SV2C: variants seen among roughly 807,000 people sequenced by gnomAD.
SV2C encodes the protein synaptic vesicle glycoprotein 2C.
SV2C carries 49 observed loss-of-function variants against 79.7 expected under a neutral mutation model. The ratio of observed to expected loss-of-function variants is 0.61; its 90% CI spans 0.49 to 0.78. The LOEUF (loss-of-function observed/expected upper bound fraction) is 0.78. Ranked by LOEUF, SV2C falls within the 30% of genes least tolerant of loss-of-function variation. The pLI, the probability that SV2C is intolerant of heterozygous loss-of-function variation, is 0.00. For synonymous variants in SV2C, 334 were observed against 333.2 expected (o/e 1.00, Z -0.03); for missense variants, 833 against 912.9 (o/e 0.91, Z 1.13).
At chr5:75,963,312 C>T in the SV2C span, among the ~76,000 whole-genome samples, 1 of 152,162 alleles carries the variant, frequency 6.6e-6, no homozygotes, top group South Asian at 2.1e-4. Flanking sequence ...CTTGAGTACA[C>T]TCACAACGAA....
chr5:76,162,100 A>G (rs1742913284), intron 2 of SV2C, among the ~76,000 whole-genome samples: 1 of 152,136 alleles, frequency 6.6e-6, no homozygotes, highest in African/African-American at 2.4e-5. Flanking sequence ...CTATTTTCAG[A>G]GTAATAAGCT....
the SV2C span, among the ~76,000 whole-genome samples, chr5:75,960,327 A>G: frequency 1.4e-4 from 21 of 151,998 alleles, no homozygotes; most frequent in African/African-American, 5.1e-4. Flanking sequence ...GTCATGCACC[A>G]CATAATGATG....
the SV2C span, among the ~76,000 whole-genome samples, chr5:76,006,634 A>G: frequency 6.6e-6 from 1 of 152,102 alleles, no homozygotes; most frequent in African/African-American, 2.4e-5. Context: ...TCTCCCTGGG[A>G]TTGGGAGTGT....
chr5:75,874,588 T>C, the SV2C span, among the ~76,000 whole-genome samples: 2 of 152,012 alleles, frequency 1.3e-5, no homozygotes, highest in African/African-American at 2.4e-5. Context: ...ATAAAGCACA[T>C]CCAAATAGGA....
the SV2C span, among the ~76,000 whole-genome samples, chr5:76,058,739 T>C: frequency 6.6e-6 from 1 of 152,134 alleles, no homozygotes; most frequent in East Asian, 1.9e-4. Context: ...AAAATTAGTA[T>C]AGTAAAGCAA....
At chr5:75,962,550 T>C in the SV2C span, among the ~76,000 whole-genome samples, 70 of 152,278 alleles carry the variant, frequency 4.6e-4, no homozygotes, top group African/African-American at 1.6e-3. Flanking sequence ...TGCTTTCTTC[T>C]GTACTGACTT....
the SV2C span, among the ~76,000 whole-genome samples, chr5:75,899,750 C>T: frequency 1.3e-5 from 2 of 152,042 alleles, no homozygotes; most frequent in African/African-American, 2.4e-5. Flanking sequence ...CTGGGTGCTC[C>T]TGTATTGGGT....
intron 2 of SV2C, among the ~76,000 whole-genome samples, chr5:76,169,999 TAAC>T (rs947669410): frequency 2.4e-4 from 34 of 142,556 alleles, no homozygotes; most frequent in African/African-American, 8.1e-4. Flanking sequence ...AATAAATAAA[TAAC>T]AATTTTCTCT....
the SV2C span, among the ~76,000 whole-genome samples, chr5:75,956,160 T>G: frequency 7.0e-6 from 1 of 143,072 alleles, no homozygotes; most frequent in African/African-American, 2.6e-5. Context: ...TGTCCAACAA[T>G]GATAGACTGG....
intron 4 of SV2C, among the ~76,000 whole-genome samples, chr5:76,237,199 A>T (rs1745641025): frequency 6.6e-6 from 1 of 152,212 alleles, no homozygotes. Flanking sequence ...ATCAGTAATC[A>T]GAATTTACAT....
At chr5:76,126,963 A>T (rs140147175) in intron 1 of SV2C, among the ~76,000 whole-genome samples, 92 of 152,340 alleles carry the variant, frequency 6.0e-4, no homozygotes, top group South Asian at 6.0e-3. Flanking sequence ...GTGATAATGC[A>T]TCTGAAGTGC....
At chr5:75,872,672 AATG>A in the SV2C span, among the ~76,000 whole-genome samples, 2,149 of 152,252 alleles carry the variant, frequency 0.014, 41 homozygotes, top group African/African-American at 0.046. Context: ...TTGAAAGAAA[AATG>A]ATCATATTAG....
chr5:76,058,116 C>A, the SV2C span, among the ~76,000 whole-genome samples: 1 of 152,024 alleles, frequency 6.6e-6, no homozygotes, highest in Non-Finnish European at 1.5e-5. Context: ...TGAGCTGTGT[C>A]TTATGTCTGG....
chr5:75,887,421 T>G, the SV2C span, among the ~76,000 whole-genome samples: 1 of 151,930 alleles, frequency 6.6e-6, no homozygotes, highest in Non-Finnish European at 1.5e-5. Context: ...GAGCTCAACT[T>G]TTTTAGATTC....
the SV2C span, among the ~76,000 whole-genome samples, chr5:75,996,178 G>A: frequency 6.6e-6 from 1 of 152,174 alleles, no homozygotes; most frequent in Admixed American, 6.5e-5. Context: ...GTAAGGAAGG[G>A]ATCCAGTTTC....
At chr5:76,339,485 C>T (rs757211098) in intron 12 of SV2C, among the ~76,000 whole-genome samples, 33 of 152,008 alleles carry the variant, frequency 2.2e-4, no homozygotes, top group African/African-American at 6.0e-4. Flanking sequence ...GAGGCCAAGG[C>T]GGGCGGATCA....
chr5:76,045,882 T>C, the SV2C span, among the ~76,000 whole-genome samples: 1 of 152,146 alleles, frequency 6.6e-6, no homozygotes, highest in African/African-American at 2.4e-5. Flanking sequence ...TGATGGTTAA[T>C]AGGTTTAGTA....
the SV2C span, among the ~76,000 whole-genome samples, chr5:76,050,816 G>A: frequency 1.3e-4 from 20 of 152,284 alleles, no homozygotes; most frequent in African/African-American, 4.8e-4. Flanking sequence ...AAGCCAAGAT[G>A]AATCTTTAGT....
chr5:76,048,965 G>GAAAGAAAGAAAGAAAGAA, the SV2C span, among the ~76,000 whole-genome samples: 7 of 58,196 alleles, frequency 1.2e-4, no homozygotes, highest in African/African-American at 3.6e-4. Flanking sequence ...GAAAGAAAAA[G>GAAAGAAAGAAAGAAAGAA]AGAAAGAAAG....
Sources: allele counts gnomAD v4.1 joint callset (sites outside exome capture counted in the v4.1 genomes callset), GRCh38; gene constraint gnomAD v4.1.1; transcripts MANE v1.5; gene names NCBI Gene and HGNC (gene_info 2026-07-23, HGNC 2026-07-21).